SLC35F3: variants seen among roughly 807,000 people sequenced by gnomAD.
The protein encoded by SLC35F3 is solute carrier family 35 member F3, also known as putative thiamine transporter SLC35F3.
In SLC35F3, 25 loss-of-function variants were observed where a neutral mutation model predicts 49.9. The observed-to-expected ratio is 0.50, with a 90% confidence interval of 0.37 to 0.70. The LOEUF is 0.70. Among genes scored for constraint, SLC35F3 ranks in the 30% least tolerant of loss-of-function variants. The pLI, the probability that SLC35F3 is intolerant of heterozygous loss-of-function variation, is 0.00. For synonymous variants in SLC35F3, 275 were observed against 265.4 expected (o/e 1.04, Z -0.35); for missense variants, 525 against 639.8 (o/e 0.82, Z 1.94).
chr1:234,001,399 A>G (rs770284083), intron 2 of SLC35F3, among the ~76,000 whole-genome samples: 1 of 152,216 alleles, frequency 6.6e-6, no homozygotes, highest in African/African-American at 2.4e-5. Context: ...ATTTACTCAT[A>G]TGACAAATAT....
chr1:234,139,699 C>T (rs1665862286), intron 2 of SLC35F3, among the ~76,000 whole-genome samples: 1 of 151,982 alleles, frequency 6.6e-6, no homozygotes, highest in African/African-American at 2.4e-5. Flanking sequence ...CCTGTAATCC[C>T]AGCACTTTGG....
In SLC35F3 at chr1:234,283,252, A is replaced by G. The variant is rs138814047; in HGVS notation, c.609-25849A>G. On this transcript the variant is annotated intron_variant, in intron 3 of 7. Coordinates refer to ENST00000366618, the MANE Select transcript of SLC35F3 (RefSeq NM_173508.4). The stretch of plus-strand genomic sequence containing the variant: ...ACTCCCATCAGGCTGGGCCAAGCCA[A>G]CGTGCACATCAGCATAAGCCAAATT... Among the ~76,000 whole-genome samples, 5 of 152,356 alleles carry G rather than the reference A, an allele frequency of 3.3e-5. No individual in the cohort carries two copies. In the East Asian group the frequency reaches 9.6e-4, roughly 29 times the overall value.
intron 2 of SLC35F3, among the ~76,000 whole-genome samples, chr1:234,139,777 G>A (rs1387804946): frequency 2.6e-5 from 4 of 151,414 alleles, no homozygotes; most frequent in South Asian, 2.1e-4. Flanking sequence ...GTGAAACCCC[G>A]TCTCTACTAA....
chr1:233,944,542 G>T lies in SLC35F3; in HGVS notation c.283+38784G>T, dbSNP rs568032262. On this transcript the variant is annotated intron_variant, in intron 2 of 7. Transcript: ENST00000366618. The stretch of plus-strand genomic sequence containing the variant: ...ACAACTGCAGCTCATATCCATCGAA[G>T]GTGCAGCTCGGGAGTTCCGGTACCT... Among the ~76,000 whole-genome samples, 17 of 152,272 alleles carry T rather than the reference G, an allele frequency of 1.1e-4. No individual in the cohort carries two copies. In the South Asian group the frequency reaches 3.5e-3, roughly 32 times the overall value.
intron 2 of SLC35F3, among the ~76,000 whole-genome samples, chr1:234,036,500 G>A (rs1029280296): frequency 5.9e-5 from 9 of 152,214 alleles, no homozygotes; most frequent in Non-Finnish European, 1.3e-4. Context: ...CCTGGGAGCT[G>A]AGAAGGAGGA....
At chr1:234,252,955 A>G (rs1370241546) in intron 3 of SLC35F3, among the ~76,000 whole-genome samples, 1 of 152,242 alleles carries the variant, frequency 6.6e-6, no homozygotes, top group Non-Finnish European at 1.5e-5. Flanking sequence ...GTAATTAGCT[A>G]AAGATTAGAA....
chr1:234,222,716 A>G (rs2102945962), intron 2 of SLC35F3, among the ~76,000 whole-genome samples: 1 of 152,316 alleles, frequency 6.6e-6, no homozygotes, highest in Non-Finnish European at 1.5e-5. Flanking sequence ...CTCCTGTAAA[A>G]CTGTGGTTCA....
chr1:234,007,478 G>C (rs572580540), intron 2 of SLC35F3, among the ~76,000 whole-genome samples: 1 of 152,214 alleles, frequency 6.6e-6, no homozygotes, highest in South Asian at 2.1e-4. Context: ...GGGAGTGGAA[G>C]AAGAGATGAG....
intron 2 of SLC35F3, among the ~76,000 whole-genome samples, chr1:234,155,759 G>T (rs978277775): frequency 6.8e-6 from 1 of 147,262 alleles, no homozygotes; most frequent in African/African-American, 2.5e-5. Flanking sequence ...AGGAGAGTTA[G>T]AACTCTACTT....
chr1:234,183,953 G>A (rs185971068), intron 2 of SLC35F3, among the ~76,000 whole-genome samples: 2 of 117,530 alleles, frequency 1.7e-5, no homozygotes, highest in African/African-American at 5.2e-5. Context: ...CTATTTATCT[G>A]TTAACCTACA....
intron 2 of SLC35F3, among the ~76,000 whole-genome samples, chr1:234,057,142 G>T (rs1440921903): frequency 1.3e-5 from 2 of 151,942 alleles, no homozygotes; most frequent in Non-Finnish European, 2.9e-5. Flanking sequence ...GGCTATCCAG[G>T]GATCTTTGTA....
At position 234,261,041 on chromosome 1, in the gene SLC35F3, G is replaced by A. The variant is rs1251910278; in HGVS notation, c.608+29300G>A. Among the ~76,000 whole-genome samples, 5 of 152,130 alleles carry A rather than the reference G, an allele frequency of 3.3e-5. 1 individual carries two copies. Among genetic ancestry groups the A allele is most frequent in the African/African-American group, 1.2e-4 (5 of 41,420 alleles). On this transcript the variant is annotated intron_variant, in intron 3 of 7. Coordinates refer to ENST00000366618, the MANE Select transcript of SLC35F3 (RefSeq NM_173508.4). The stretch of plus-strand genomic sequence containing the variant: ...CCGAAATTCTTTTTCCCTTAAAAAT[G>A]AAAATAATTGTATTAAGTAAAATTT...
At chr1:234,158,563 A>G (rs372243694) in intron 2 of SLC35F3, among the ~76,000 whole-genome samples, 19 of 152,360 alleles carry the variant, frequency 1.2e-4, no homozygotes, top group Middle Eastern at 3.4e-3. Flanking sequence ...TGGACATACT[A>G]TAATCTACTA....
intron 2 of SLC35F3, among the ~76,000 whole-genome samples, chr1:234,075,245 A>G (rs928994698): frequency 1.4e-4 from 22 of 152,208 alleles, no homozygotes; most frequent in African/African-American, 4.8e-4. Context: ...GTGAAGAAAC[A>G]TCTCAGCAAA....
chr1:234,295,635 A>G (rs1256666621), intron 3 of SLC35F3, among the ~76,000 whole-genome samples: 2 of 152,256 alleles, frequency 1.3e-5, no homozygotes, highest in Non-Finnish European at 2.9e-5. Flanking sequence ...GGGGTACAAA[A>G]GCAAGCCCAG....
At chr1:233,999,151 G>C (rs1018476771) in intron 2 of SLC35F3, among the ~76,000 whole-genome samples, 2 of 152,108 alleles carry the variant, frequency 1.3e-5, no homozygotes, top group African/African-American at 2.4e-5. Context: ...TGCAACCCAG[G>C]GTATCCCCTT....
At chr1:234,221,571 G>A (rs1292285556) in intron 2 of SLC35F3, among the ~76,000 whole-genome samples, 1 of 152,114 alleles carries the variant, frequency 6.6e-6, no homozygotes, top group East Asian at 1.9e-4. Context: ...TGATGGATGG[G>A]GACTGAAGAC....
chr1:234,318,167 A>G (rs1397300831), intron 5 of SLC35F3, among the ~76,000 whole-genome samples: 1 of 152,184 alleles, frequency 6.6e-6, no homozygotes, highest in Non-Finnish European at 1.5e-5. Flanking sequence ...GGCCACTCCC[A>G]TCACATTCAC....
chr1:233,989,612 G>A (rs1178604104), intron 2 of SLC35F3, among the ~76,000 whole-genome samples: 1 of 152,010 alleles, frequency 6.6e-6, no homozygotes, highest in Non-Finnish European at 1.5e-5. Flanking sequence ...GAAACTACAT[G>A]TTTTAAAATA....
Sources: allele counts gnomAD v4.1 joint callset (sites outside exome capture counted in the v4.1 genomes callset), GRCh38; gene constraint gnomAD v4.1.1; transcripts MANE v1.5; gene names NCBI Gene and HGNC (gene_info 2026-07-23, HGNC 2026-07-21).